The following TMCC1 variants were observed in gnomAD, a reference collection of about 807,000 sequenced individuals.
TMCC1 encodes transmembrane and coiled-coil domains protein 1.
Under a neutral mutation model 52.4 loss-of-function variants are expected in TMCC1, and 15 were observed. That is an observed-to-expected ratio of 0.29 (90% CI 0.19 to 0.44). The LOEUF (loss-of-function observed/expected upper bound fraction) is 0.44, where lower values mean the gene tolerates loss of function less well. Ranked by LOEUF, TMCC1 falls within the 20% of genes least tolerant of loss-of-function variation. The probability of loss-of-function intolerance (pLI) is 1.00; values close to 1 mark genes in which losing one functional copy is unlikely to be tolerated. For missense variants in TMCC1, 503 were observed against 806.0 expected, an observed-to-expected ratio of 0.62 and a Z score of 4.55; for synonymous variants, 279 against 301.9, an observed-to-expected ratio of 0.92 and a Z score of 0.79.
chr3:129,862,103 G>A (rs2060423515), intron 2 of TMCC1, among the ~76,000 whole-genome samples: 2 of 152,182 alleles, frequency 1.3e-5, no homozygotes, highest in South Asian at 4.1e-4. Context: ...AAAGAAGCCA[G>A]TCACAAAGGA....
chr3:129,773,873 T>C (rs766993598), intron 4 of TMCC1, among the ~76,000 whole-genome samples: 5 of 152,032 alleles, frequency 3.3e-5, no homozygotes, highest in African/African-American at 9.7e-5. Context: ...AGCTCAGGAG[T>C]TGGAGGTGGC....
chr3:129,854,784 TA>T (rs1295208916), intron 2 of TMCC1, among the ~76,000 whole-genome samples: 1 of 152,238 alleles, frequency 6.6e-6, no homozygotes, highest in Non-Finnish European at 1.5e-5. Flanking sequence ...CAAATCTCAC[TA>T]ATGTAAGTGT....
rs1344835164 is a variant in TMCC1 at position 129,649,971 on chromosome 3, A to C, written c.*1510T>G. On this transcript the variant is annotated 3_prime_UTR_variant, in exon 7 of 7. Coordinates refer to ENST00000393238, the MANE Select transcript of TMCC1 (RefSeq NM_001017395.5). ...TTAGGTTAGGTTAACAAGTCCGTTT[A>C]CATTATAGGAAGCTGGCAACATTTC... 2.0e-5 allele frequency: 3 copies of C among 152,648 alleles called. No individual in the cohort carries two copies. The highest frequency in any genetic ancestry group is 7.2e-5 in the African/African-American group (3 of 41,458). 9.5% of individuals were successfully genotyped at this position (152,648 alleles called of 1,614,324 possible).
rs1203665383 is a variant in TMCC1, at chr3:129,832,353, C to CGAAGGAGTGAAAGGGGAGAGGTA, written c.-131+398_-131+420dup. 4.6e-5 allele frequency among the ~76,000 whole-genome samples: 7 copies of CGAAGGAGTGAAAGGGGAGAGGTA among 151,944 alleles called. No individual in the cohort carries two copies. The East Asian group carries it at 1.3e-3, about 29-fold the overall frequency. On this transcript the variant is annotated intron_variant, in intron 3 of 6. Transcript: ENST00000393238. ...AGGACACAGGAAAAAGGGGAGAGGT[C>CGAAGGAGTGAAAGGGGAGAGGTA]GAAGGAGTGAAAGGGGAGAGGTAGA...
chr3:129,699,448 GCCCA>G (rs1247515245), intron 4 of TMCC1, among the ~76,000 whole-genome samples: 2 of 152,148 alleles, frequency 1.3e-5, no homozygotes, highest in Non-Finnish European at 2.9e-5. Context: ...TCAGGGAATT[GCCCA>G]CCCCTTTCTC....
At chr3:129,869,965 T>C (rs1014943854) in intron 2 of TMCC1, among the ~76,000 whole-genome samples, 5 of 152,218 alleles carry the variant, frequency 3.3e-5, no homozygotes, top group Admixed American at 1.3e-4. Flanking sequence ...AGCAGAGTTA[T>C]GAACTAAAGC....
intron 4 of TMCC1, among the ~76,000 whole-genome samples, chr3:129,818,403 A>T (rs2058219005): frequency 1.3e-5 from 2 of 150,230 alleles, no homozygotes; most frequent in Admixed American, 6.6e-5. Context: ...AAAGTTTCTA[A>T]GAAACTTTTA....
chr3:129,865,222 C>T (rs1270007789), intron 2 of TMCC1, among the ~76,000 whole-genome samples: 1 of 152,042 alleles, frequency 6.6e-6, no homozygotes, highest in African/African-American at 2.4e-5. Context: ...TGGTGCAAGG[C>T]GCAATCCGGG....
chr3:129,753,701 A>G (rs1352231636), intron 4 of TMCC1, among the ~76,000 whole-genome samples: 1 of 152,212 alleles, frequency 6.6e-6, no homozygotes, highest in African/African-American at 2.4e-5. Context: ...ACTTCCTTAA[A>G]CTAACGAAGG....
chr3:129,748,886 C>G (rs561665072), intron 4 of TMCC1, among the ~76,000 whole-genome samples: 1 of 151,854 alleles, frequency 6.6e-6, no homozygotes, highest in African/African-American at 2.4e-5. Context: ...ACCTGTAATC[C>G]CAGCTACTCA....
chr3:129,718,126 A>G (rs2049250056), intron 4 of TMCC1, among the ~76,000 whole-genome samples: 1 of 152,256 alleles, frequency 6.6e-6, no homozygotes, highest in African/African-American at 2.4e-5. Flanking sequence ...ATATGCAGAC[A>G]CTAAGTTTAT....
intron 4 of TMCC1, among the ~76,000 whole-genome samples, chr3:129,823,922 G>A (rs1273446622): frequency 6.6e-6 from 1 of 152,116 alleles, no homozygotes; most frequent in Non-Finnish European, 1.5e-5. Context: ...CTAAAGCCTG[G>A]ACCATTTTGT....
In TMCC1 at chr3:129,800,846, C is replaced by T. The variant is rs994226057; in HGVS notation, c.576+26957G>A. On this transcript the variant is annotated intron_variant, in intron 4 of 6. Transcript: ENST00000393238. The stretch of plus-strand genomic sequence containing the variant: ...ATTTTTCACTATGTTGCAAAGAACA[C>T]GTAGCAAATTATATAAATGAAATAG... Among the ~76,000 whole-genome samples the T allele has an allele frequency of 3.3e-5, 5 of 151,670 alleles. No homozygotes were observed. The East Asian group carries it at 9.7e-4, about 29-fold the overall frequency.
At chr3:129,803,054 C>A (rs920554048) in intron 4 of TMCC1, among the ~76,000 whole-genome samples, 2 of 152,172 alleles carry the variant, frequency 1.3e-5, no homozygotes, top group Non-Finnish European at 2.9e-5. Context: ...GAGAAAGGAG[C>A]CAAATTCTTT....
At chr3:129,791,772 G>A (rs970062743) in intron 4 of TMCC1, among the ~76,000 whole-genome samples, 1 of 152,136 alleles carries the variant, frequency 6.6e-6, no homozygotes, top group Non-Finnish European at 1.5e-5. Context: ...AAGAGAACAG[G>A]TGAGCATCTT....
chr3:129,808,341 G>A (rs958911245), intron 4 of TMCC1, among the ~76,000 whole-genome samples: 1 of 152,050 alleles, frequency 6.6e-6, no homozygotes, highest in African/African-American at 2.4e-5. Flanking sequence ...AATTTAGTGG[G>A]TATGGTGGTG....
chr3:129,817,975 A>G (rs2058187825), intron 4 of TMCC1, among the ~76,000 whole-genome samples: 1 of 152,004 alleles, frequency 6.6e-6, no homozygotes, highest in African/African-American at 2.4e-5. Flanking sequence ...ACGCCCGGTT[A>G]ATTTTTGTAT....
intron 4 of TMCC1, among the ~76,000 whole-genome samples, chr3:129,825,973 A>T (rs1197362510): frequency 6.6e-6 from 1 of 152,246 alleles, no homozygotes; most frequent in Non-Finnish European, 1.5e-5. Flanking sequence ...AAACAATGTT[A>T]TGAAAAAAGT....
chr3:129,858,822 CT>C (rs1294144980), intron 2 of TMCC1, among the ~76,000 whole-genome samples: 1 of 152,164 alleles, frequency 6.6e-6, no homozygotes, highest in Non-Finnish European at 1.5e-5. Context: ...TATGTTTTGC[CT>C]GACTTCCCCT....
Sources: gnomAD v4.1 joint callset for allele counts (sites outside exome capture counted in the v4.1 genomes callset) on GRCh38, gnomAD v4.1.1 for gene constraint, MANE v1.5 for transcripts, NCBI Gene and HGNC (gene_info 2026-07-23, HGNC 2026-07-21) for gene names.